The following PPL variants were observed in gnomAD, a reference collection of about 807,000 sequenced individuals.
The protein encoded by PPL is periplakin.
In PPL, 198 loss-of-function variants were observed where a neutral mutation model predicts 194.4. The observed-to-expected ratio is 1.02, with a 90% CI of 0.91 to 1.15. The LOEUF is 1.15. PPL is among the 50% of genes most tolerant of loss of function. PPL has a pLI of 0.00. For synonymous variants in PPL, 1,220 were observed against 972.4 expected, an observed-to-expected ratio of 1.25 and a Z score of -4.74; for missense variants, 2,885 against 2,294.8, an observed-to-expected ratio of 1.26 and a Z score of -5.25.
chr16:4,900,754 C>A lies in PPL; in HGVS notation c.606+76G>T, dbSNP rs1596557257. Reference sequence around the variant, plus strand: ...TGCCTATGTCATTTTTAAAACAATACATCCTTGTCCCCCCGACTCCAAGCT... The same window carrying A: ...TGCCTATGTCATTTTTAAAACAATAAATCCTTGTCCCCCCGACTCCAAGCT... On this transcript the variant is annotated intron_variant, in intron 6 of 21. Transcript: ENST00000345988. 3 of 1,592,452 alleles carry A rather than the reference C, an allele frequency of 1.9e-6. No homozygotes were observed. The African/African-American group carries it at 4.0e-5, about 21-fold the overall frequency.
intron 17 of PPL, 121 bp from the exon 18 acceptor site, chr16:4,890,455 C>T (rs1309478339): frequency 8.5e-6 from 11 of 1,290,382 alleles, no homozygotes; most frequent in Non-Finnish European, 1.1e-5. Context: ...CAAGTATCTC[C>T]CACACAGGGT....
At position 4,891,961 on chromosome 16, in the gene PPL, A is replaced by C. The variant is rs1178931097; in HGVS notation, c.1830-12T>G. On this transcript the variant is annotated splice_polypyrimidine_tract_variant and intron_variant, in intron 15 of 21. Transcript: ENST00000345988. ...TGGCCACATCAACCCTGAGAGCACC[A>C]ATCAGGCGTCGGGGGATGCCCACCT... 2 of 1,611,962 alleles carry C rather than the reference A, an allele frequency of 1.2e-6. No individual in the cohort carries two copies. The highest frequency in any genetic ancestry group is 2.2e-5 in the East Asian group (1 of 44,872).
intron 2 of PPL, 114 bp from the exon 3 acceptor site, chr16:4,904,154 A>G (rs2088635294): frequency 7.9e-6 from 9 of 1,144,716 alleles, no homozygotes; most frequent in Middle Eastern, 2.1e-4. Context: ...TTCCCTTTGA[A>G]TAACGTCTTC....
Position 4,900,821 on chromosome 16 carries a change from G to A in PPL, c.606+9C>T, listed in dbSNP as rs2088548819. The A allele has an allele frequency of 4.3e-6, 7 of 1,614,074 alleles. No homozygotes were observed. In the East Asian group the frequency reaches 6.7e-5, roughly 15 times the overall value. ...CCCCATGAGGCCTTTCCCCCAGGGA[G>A]CTCCTCACCAGCAGTTTCTGGTACT... is the stretch of plus-strand genomic sequence containing the variant. On this transcript the variant is annotated intron_variant, in intron 6 of 21. Transcript: ENST00000345988.
At position 4,883,401 on chromosome 16, in the gene PPL, C is replaced by T. The variant is rs554457564; in HGVS notation, c.5254G>A (p.Val1752Ile). 1.9e-6 allele frequency: 3 copies of T among 1,614,002 alleles called. No individual in the cohort carries two copies. Among genetic ancestry groups the T allele is most frequent in the African/African-American group, 1.3e-5 (1 of 74,928 alleles). Reference sequence around the variant, plus strand: ...AGCTGTGCCTACTTCTGCCCAGATACCAAGACCGCCAGCTCCTGGATGGAC... The same window carrying T: ...AGCTGTGCCTACTTCTGCCCAGATATCAAGACCGCCAGCTCCTGGATGGAC... Reference protein sequence around the residue: ...DMSIQELAVLVSGQK With the variant: ...DMSIQELAVLISGQK The change falls in exon 22 of 22, where the codon GTA becomes ATA. Residue 1752 changes from valine (V) to isoleucine (I), a missense_variant. Physicochemically the swap from Val to Ile is conservative, Grantham distance 29. Transcript: ENST00000345988. The surrounding 1 kb of genome is among the most constrained non-coding windows in gnomAD (Gnocchi z 4.8).
At position 4,918,719 on chromosome 16, in the gene PPL, G is replaced by A. The variant is rs774492259; in HGVS notation, c.63-7770C>T. Among the ~76,000 whole-genome samples, 57 of 152,190 alleles carry A rather than the reference G, an allele frequency of 3.7e-4. 1 individual carries two copies. Among genetic ancestry groups the A allele is most frequent in the Non-Finnish European group, 5.1e-4 (35 of 68,042 alleles). On this transcript the variant is annotated intron_variant, in intron 1 of 21. Coordinates refer to ENST00000345988, the MANE Select transcript of PPL (RefSeq NM_002705.5). ...AGGCCTCCGGAAGCACAGTCTCAGC[G>A]TTTTTGCCCTGTAGCTTTGCGGTCC...
chr16:4,921,651 G>A (rs939270732), intron 1 of PPL, among the ~76,000 whole-genome samples: 3 of 152,106 alleles, frequency 2.0e-5, no homozygotes, highest in African/African-American at 4.8e-5. Flanking sequence ...ATTTTTAGTA[G>A]AGATGGGGTT....
In PPL at chr16:4,883,782, G is replaced by C; in HGVS notation, c.4873C>G (p.Leu1625Val). The change falls in exon 22 of 22, where the codon CTC (leucine) becomes GTC (valine). Residue 1625 changes from leucine (L) to valine (V), a missense_variant. By Grantham distance (32) the Leu-to-Val change is conservative. Coordinates refer to ENST00000345988, the MANE Select transcript of PPL (RefSeq NM_002705.5). The surrounding 1 kb of genome is among the most constrained non-coding windows in gnomAD (Gnocchi z 4.8). ...ATCTCGAGGTCTTTGTCCTTGGAGA[G>C]CCTCTTGAGGTCATCCAGTTCCCTC... ...LERELDDLKR[L>V]SKDKDLEIDE... 2 of 1,614,124 alleles carry C rather than the reference G, an allele frequency of 1.2e-6. No homozygotes were observed. Among genetic ancestry groups the C allele is most frequent in the African/African-American group, 1.3e-5 (1 of 75,062 alleles).
chr16:4,894,199 C>T (rs1165706742), intron 12 of PPL, among the ~76,000 whole-genome samples: 2 of 152,178 alleles, frequency 1.3e-5, no homozygotes, highest in African/African-American at 4.8e-5. Context: ...GGGAGCAGTG[C>T]GTGCGGGAGT....
chr16:4,932,782 G>A (rs367738011), intron 1 of PPL, among the ~76,000 whole-genome samples: 2 of 151,980 alleles, frequency 1.3e-5, no homozygotes, highest in Non-Finnish European at 1.5e-5. Context: ...CCGGGCACTC[G>A]CTCTGAACCA....
intron 1 of PPL, among the ~76,000 whole-genome samples, chr16:4,932,573 C>A (rs1188238668): frequency 6.6e-6 from 1 of 152,008 alleles, no homozygotes. Context: ...GCCACCACAC[C>A]CAGCTAATTT....
rs1202042106 is a variant in PPL at position 4,883,090 on chromosome 16, TGAG to T, written c.*291_*293del. 1 of 390,516 alleles carries T rather than the reference TGAG, an allele frequency of 2.6e-6. No homozygotes were observed. The highest frequency in any genetic ancestry group is 2.1e-5 in the African/African-American group (1 of 48,530). The allele number at this position is 390,516 out of a possible 1,614,324, so 24.2% of individuals were successfully genotyped here. ...GTTTTCAGATTGTGTGCAGTTATCA[TGAG>T]GAGTTTGTTGCTGGGAGTGTACAGG... On this transcript the variant is annotated 3_prime_UTR_variant, in exon 22 of 22. Transcript: ENST00000345988. This position sits in a 1 kb window ranked among gnomAD's most constrained non-coding sequence, Gnocchi z 4.8.
chr16:4,901,063 C>G lies in PPL; in HGVS notation c.465G>C (p.Gly155=), dbSNP rs975438684. 8.7e-6 allele frequency: 14 copies of G among 1,614,054 alleles called. No individual in the cohort carries two copies. Among genetic ancestry groups the G allele is most frequent in the African/African-American group, 1.3e-5 (1 of 74,922 alleles). The change falls in exon 5 of 22, where the codon GGG becomes GGC. Residue 155 remains glycine (G), a synonymous_variant. Transcript: ENST00000345988. ...GGTGGTCCACCAGCGGCAGGTCAGT[C>G]CCAAAGCTCTGGTTGTTCAGCTTGT... is the stretch of plus-strand genomic sequence containing the variant. ...KLDKLNNQSF[G]TDLPLVDHQV...
Position 4,885,657 on chromosome 16 carries a change from T to TG in PPL, c.2997dup (p.Ile1000HisfsTer4). Reference sequence around the variant, plus strand: ...TCCGCCTGGGCCCTGTCAGGCTCGATGCGCAGGACCTCCTTGACCACGTAC... The same window carrying TG: ...TCCGCCTGGGCCCTGTCAGGCTCGATGGCGCAGGACCTCCTTGACCACGTAC... On this transcript the variant is annotated frameshift_variant, in exon 22 of 22. Coordinates refer to ENST00000345988, the MANE Select transcript of PPL (RefSeq NM_002705.5). LOFTEE classifies it high-confidence loss of function. This position sits in a 1 kb window ranked among gnomAD's most constrained non-coding sequence, Gnocchi z 6.3. 1 of 1,612,900 alleles carries TG rather than the reference T, an allele frequency of 6.2e-7. No individual in the cohort carries two copies. Among genetic ancestry groups the TG allele is most frequent in the Non-Finnish European group, 8.5e-7 (1 of 1,179,656 alleles).
rs371324627 is a variant in PPL at position 4,915,603 on chromosome 16, G to A, written c.63-4654C>T. Among the ~76,000 whole-genome samples, 10 of 152,302 alleles carry A rather than the reference G, an allele frequency of 6.6e-5. No homozygotes were observed. In the East Asian group the frequency reaches 1.3e-3, roughly 21 times the overall value. ...CAGCTGGTGAACCGCGATTCTCCCC[G>A]CAAGCAATCTCACTCCAGAGGCATG... On this transcript the variant is annotated intron_variant, in intron 1 of 21. Coordinates refer to ENST00000345988, the MANE Select transcript of PPL (RefSeq NM_002705.5).
chr16:4,936,463 AG>A (rs2089299761), intron 1 of PPL, among the ~76,000 whole-genome samples: 1 of 152,018 alleles, frequency 6.6e-6, no homozygotes, highest in Non-Finnish European at 1.5e-5. Context: ...CCCCGACGCC[AG>A]GAACACTTGC....
At chr16:4,898,382 C>T (rs1028049704) in intron 8 of PPL, among the ~76,000 whole-genome samples, 5 of 152,030 alleles carry the variant, frequency 3.3e-5, no homozygotes, top group African/African-American at 1.2e-4. Context: ...CCATCTCAGG[C>T]GGGGTTGGTG....
chr16:4,889,112 AAGC>A, intron 18 of PPL, 51 bp from the exon 19 acceptor site: 1 of 1,487,638 alleles, frequency 6.7e-7, no homozygotes, highest in South Asian at 1.1e-5. Flanking sequence ...AAATTTAAAA[AAGC>A]AACCATGGAT....
At chr16:4,912,319 C>T (rs571524271) in intron 1 of PPL, among the ~76,000 whole-genome samples, 1 of 152,370 alleles carries the variant, frequency 6.6e-6, no homozygotes, top group East Asian at 1.9e-4. Context: ...TGGCCTTTTG[C>T]GTCTGCCTTC....
Sources: allele counts gnomAD v4.1 joint callset (sites outside exome capture counted in the v4.1 genomes callset), GRCh38; gene constraint gnomAD v4.1.1; non-coding constraint Gnocchi (gnomAD v3.1); transcripts MANE v1.5; gene names NCBI Gene and HGNC (gene_info 2026-07-23, HGNC 2026-07-21).